Variants in TEX101 observed in about 807,000 individuals in gnomAD.
The protein encoded by TEX101 is testis expressed 101.
Under a neutral mutation model 18.1 loss-of-function variants are expected in TEX101, and 10 were observed. That is an observed-to-expected ratio of 0.55 (90% confidence interval 0.34 to 0.94). TEX101 has a LOEUF of 0.94. Ranked by LOEUF, TEX101 falls within the 40% of genes least tolerant of loss-of-function variation. The pLI, the probability that TEX101 is intolerant of heterozygous loss-of-function variation, is 0.02. For synonymous variants in TEX101, 94 were observed against 114.8 expected, an observed-to-expected ratio of 0.82 and a Z score of 1.16; for missense variants, 259 against 298.9, an observed-to-expected ratio of 0.87 and a Z score of 0.98.
rs1970363308 is a variant in TEX101 at position 43,406,395 on chromosome 19, G to A, written c.-110G>A. 10 of 714,734 alleles carry A rather than the reference G, an allele frequency of 1.4e-5. No individual in the cohort carries two copies. In the East Asian group the frequency reaches 2.4e-4, roughly 17 times the overall value. The allele number at this position is 714,734 out of a possible 1,614,324, so 44.3% of individuals were successfully genotyped here. A position where few individuals can be genotyped will look rare whatever the true frequency, so the allele number is the denominator to read the frequency against. On this transcript the variant is annotated 5_prime_UTR_variant, in exon 3 of 8. Coordinates refer to the TEX101 transcript ENST00000602198. ...CAGCGACACCACAGCCAAGGGACAGGCTTGGCGGAACCTGCGGGAGAGAAG... is the reference window on the plus strand; with the variant it reads ...CAGCGACACCACAGCCAAGGGACAGACTTGGCGGAACCTGCGGGAGAGAAG...
intron 1 of TEX101, among the ~76,000 whole-genome samples, chr19:43,415,254 G>T (rs899362619): frequency 4.6e-5 from 7 of 152,000 alleles, no homozygotes; most frequent in Non-Finnish European, 8.8e-5. Context: ...CCGAGATTCT[G>T]GGTCCCTGAG....
rs758339233 is a variant in TEX101 at position 43,415,933 on chromosome 19, G to A, written c.14G>A (p.Arg5His). Residue 5 changes from arginine to histidine, a missense_variant, in exon 2 of 6, where the codon CGT becomes CAT. Arg to His is a conservative substitution (Grantham distance 29). Transcript: ENST00000598265. MGTP[R>H]IQHLLILLVL... ...CCAGAAGAAGCCATGGGAACCCCTC[G>A]TATCCAGCATTTGCTGATCCTCCTG... 1.4e-5 allele frequency: 22 copies of A among 1,613,982 alleles called. No individual in the cohort carries two copies. The highest frequency in any genetic ancestry group is 1.1e-4 in the African/African-American group (8 of 74,904).
In TEX101 at chr19:43,418,534, T is replaced by TA; in HGVS notation, c.*139dup. On this transcript the variant is annotated 3_prime_UTR_variant, in exon 6 of 6. Transcript: ENST00000598265. ...ATACTATGAACGTATTTGACATTTT[T>TA]AATACAATTTCTGCTATAATTTTTG... The TA allele has an allele frequency of 2.9e-6, 2 of 696,892 alleles. No homozygotes were observed. The highest frequency in any genetic ancestry group is 3.9e-5 in the South Asian group (2 of 51,570). The allele number at this position is 696,892 out of a possible 1,614,324, so 43.2% of individuals were successfully genotyped here.
Position 43,406,513 on chromosome 19 carries a change from G to GAGGCAGGT in TEX101, c.11_15+3dup. The GAGGCAGGT allele has an allele frequency of 1.3e-6, 1 of 752,030 alleles. No individual in the cohort carries two copies. Among genetic ancestry groups the GAGGCAGGT allele is most frequent in the East Asian group, 2.6e-5 (1 of 38,606 alleles). 46.6% of individuals were successfully genotyped at this position (752,030 alleles called of 1,614,324 possible). A position where few individuals can be genotyped will look rare whatever the true frequency, so the allele number is the denominator to read the frequency against. On this transcript the variant is annotated frameshift_variant, in exon 3 of 8. Coordinates refer to the TEX101 transcript ENST00000602198. LOFTEE classifies it high-confidence loss of function. ...CCATCTTCAGTTCCCGCATGGGGGC[G>GAGGCAGGT]AGGCAGGTACATGGGCCTTGCGGGC...
rs2122350002 is a variant in TEX101, at chr19:43,416,224, A to T, written c.190A>T (p.Ile64Leu). 6.2e-7 allele frequency: 1 copy of T among 1,609,614 alleles called. No individual in the cohort carries two copies. The highest frequency in any genetic ancestry group is 1.1e-5 in the South Asian group (1 of 90,394). Residue 64 changes from isoleucine (I) to leucine (L), a missense_variant, in exon 3 of 6, where the codon ATA becomes TTA. Coordinates refer to ENST00000598265, the MANE Select transcript of TEX101 (RefSeq NM_001130011.3). ...CDKGALCQET[I>L]LIIKAGTETA... Reference sequence around the variant, plus strand: ...CAAAGGGGCACTTTGCCAGGAAACCATACTAATAATTAAAGCAGGTGAAAT... The same window carrying T: ...CAAAGGGGCACTTTGCCAGGAAACCTTACTAATAATTAAAGCAGGTGAAAT...
At chr19:43,404,767 AAT>A (rs752795947) in intron 2 of TEX101, among the ~76,000 whole-genome samples, 7 of 151,348 alleles carry the variant, frequency 4.6e-5, no homozygotes, top group African/African-American at 1.7e-4. Context: ...TGAATATATA[AAT>A]ATATATATAC....
chr19:43,406,433 C>CTGAT, exon 3 of TEX101: 2 of 756,300 alleles, frequency 2.6e-6, no homozygotes, highest in East Asian at 2.5e-5. Context: ...CCCTCTGAGC[C>CTGAT]TGATTGAAAG....
intron 3 of TEX101, among the ~76,000 whole-genome samples, chr19:43,407,199 C>T (rs1165750648): frequency 1.3e-5 from 2 of 152,146 alleles, no homozygotes; most frequent in African/African-American, 4.8e-5. Flanking sequence ...AAAACCTGAG[C>T]TGGGGCTGGG....
upstream of TEX101, among the ~76,000 whole-genome samples, chr19:43,399,847 A>T (rs1479126569): frequency 1.4e-5 from 2 of 143,566 alleles, no homozygotes; most frequent in Non-Finnish European, 1.5e-5. Flanking sequence ...CACTCTTGTC[A>T]GCCAGGCTGG....
At chr19:43,404,941 A>G (rs962376195) in intron 2 of TEX101, among the ~76,000 whole-genome samples, 90 of 152,200 alleles carry the variant, frequency 5.9e-4, no homozygotes, top group Admixed American at 3.7e-3. Context: ...CAGAAAGGAG[A>G]GAACTGATCA....
At chr19:43,413,077 A>G (rs558120894), upstream of TEX101, among the ~76,000 whole-genome samples, 17 of 152,248 alleles carry the variant, frequency 1.1e-4, no homozygotes, top group Non-Finnish European at 2.1e-4. Context: ...TGTAAGTTCC[A>G]GACATTATAT....
chr19:43,409,762 T>A (rs1163944365), intron 3 of TEX101, among the ~76,000 whole-genome samples: 2 of 151,926 alleles, frequency 1.3e-5, no homozygotes, highest in African/African-American at 4.8e-5. Flanking sequence ...AGAGCAAGAC[T>A]CCATCTCTGT....
chr19:43,414,892 G>A lies in TEX101; in HGVS notation c.-186G>A, dbSNP rs1970455216. On this transcript the variant is annotated 5_prime_UTR_variant, in exon 1 of 6. Transcript: ENST00000598265. ...AGGCTGGCCCGGCCTTGCGTCGTAA[G>A]AGAATGCCAAGCCCGGGGAGAAGGC... 1.0e-6 allele frequency: 1 copy of A among 985,400 alleles called. No homozygotes were observed. Among genetic ancestry groups the A allele is most frequent in the East Asian group, 1.1e-4 (1 of 8,828 alleles). The allele number at this position is 985,400 out of a possible 1,614,324, so 61.0% of individuals were successfully genotyped here. A position where few individuals can be genotyped will look rare whatever the true frequency, so the allele number is the denominator to read the frequency against.
At chr19:43,412,016 A>C (rs1236551299), upstream of TEX101, among the ~76,000 whole-genome samples, 2 of 152,208 alleles carry the variant, frequency 1.3e-5, no homozygotes, top group Non-Finnish European at 2.9e-5. Flanking sequence ...AAATTGGCTC[A>C]GGCTAAGGAA....
upstream of TEX101, among the ~76,000 whole-genome samples, chr19:43,397,559 T>G (rs1330445555): frequency 2.8e-5 from 4 of 144,240 alleles, no homozygotes; most frequent in Admixed American, 2.2e-4. Flanking sequence ...AAGTTTAACA[T>G]TTTGCCATAT....
upstream of TEX101, among the ~76,000 whole-genome samples, chr19:43,411,662 GA>G (rs1282480383): frequency 6.5e-5 from 9 of 137,834 alleles, no homozygotes; most frequent in Admixed American, 7.4e-5. Flanking sequence ...CTTTTTTTTT[GA>G]GACCAAGACC....
chr19:43,397,891 A>G (rs1465227763), upstream of TEX101, among the ~76,000 whole-genome samples: 2 of 89,754 alleles, frequency 2.2e-5, no homozygotes, highest in East Asian at 2.9e-4. Flanking sequence ...TATATTATAT[A>G]TAAATATATA....
upstream of TEX101, among the ~76,000 whole-genome samples, chr19:43,412,202 T>C (rs568889253): frequency 1.3e-5 from 2 of 152,280 alleles, no homozygotes; most frequent in Non-Finnish European, 2.9e-5. Flanking sequence ...TGCCAGCATC[T>C]CCTTCTGGGG....
upstream of TEX101, among the ~76,000 whole-genome samples, chr19:43,412,960 G>C (rs1350169691): frequency 6.6e-6 from 1 of 152,110 alleles, no homozygotes; most frequent in Non-Finnish European, 1.5e-5. Context: ...GAAAGAAACA[G>C]AAGTAAGATA....
Sources: gnomAD v4.1 joint callset for allele counts (sites outside exome capture counted in the v4.1 genomes callset) on GRCh38, gnomAD v4.1.1 for gene constraint, MANE v1.5 for transcripts, NCBI Gene and HGNC (gene_info 2026-07-23, HGNC 2026-07-21) for gene names.